The following EYA1 variants were observed in gnomAD, a reference collection of about 807,000 sequenced individuals.
The protein encoded by EYA1 is EYA transcriptional coactivator and phosphatase 1, also known as protein phosphatase EYA1.
Under a neutral mutation model 82.0 loss-of-function variants are expected in EYA1, and 16 were observed. That is an observed-to-expected ratio of 0.20 (90% confidence interval 0.13 to 0.30). EYA1 has a LOEUF of 0.30. Ranked by LOEUF, EYA1 falls within the 10% of genes least tolerant of loss-of-function variation. The pLI, the probability that EYA1 is intolerant of heterozygous loss-of-function variation, is 1.00. For missense variants in EYA1, 633 were observed against 730.7 expected (o/e 0.87, Z 1.54); for synonymous variants, 261 against 264.4 (o/e 0.99, Z 0.12).
intron 2 of EYA1, among the ~76,000 whole-genome samples, chr8:71,388,062 T>G (rs1410615749): frequency 6.6e-6 from 1 of 152,124 alleles, no homozygotes; most frequent in African/African-American, 2.4e-5. Flanking sequence ...TTAATTATCA[T>G]TATATTCTAC....
intron 3 of EYA1, among the ~76,000 whole-genome samples, chr8:71,335,233 C>T (rs1292740552): frequency 6.6e-6 from 1 of 152,066 alleles, no homozygotes; most frequent in Non-Finnish European, 1.5e-5. Flanking sequence ...TTTGGGGAGG[C>T]CTCTCTTATA....
At chr8:71,422,834 C>A (rs1028793476) in intron 2 of EYA1, among the ~76,000 whole-genome samples, 1 of 152,088 alleles carries the variant, frequency 6.6e-6, no homozygotes, top group Non-Finnish European at 1.5e-5. Flanking sequence ...TAAATTACCC[C>A]CCACGGGATC....
chr8:71,365,749 C>T (rs1204431246), upstream of EYA1, among the ~76,000 whole-genome samples: 1 of 152,158 alleles, frequency 6.6e-6, no homozygotes, highest in Non-Finnish European at 1.5e-5. Context: ...TGGTCACTTC[C>T]ATGACCTGCT....
intron 12 of EYA1, among the ~76,000 whole-genome samples, chr8:71,221,619 C>T (rs1007413429): frequency 6.6e-5 from 10 of 152,174 alleles, no homozygotes; most frequent in South Asian, 4.2e-4. Context: ...AGCCATGAGC[C>T]GGGGCAGGAG....
intron 1 of EYA1, among the ~76,000 whole-genome samples, chr8:71,545,535 T>C (rs1815484284): frequency 6.6e-6 from 1 of 151,626 alleles, no homozygotes; most frequent in African/African-American, 2.4e-5. Context: ...TATTAGATTT[T>C]TTTCATCGTT....
chr8:71,321,317 G>A (rs1490108017), intron 6 of EYA1, among the ~76,000 whole-genome samples: 1 of 152,146 alleles, frequency 6.6e-6, no homozygotes, highest in African/African-American at 2.4e-5. Flanking sequence ...TAAAGCAAGA[G>A]TTTGTTGAAT....
chr8:71,529,145 T>G (rs1199688604), intron 2 of EYA1, among the ~76,000 whole-genome samples: 4 of 152,234 alleles, frequency 2.6e-5, no homozygotes, highest in Non-Finnish European at 5.9e-5. Context: ...TAGAATAAAC[T>G]GTGACTCAGA....
chr8:71,520,333 C>G (rs561519955), intron 2 of EYA1, among the ~76,000 whole-genome samples: 1 of 152,170 alleles, frequency 6.6e-6, no homozygotes, highest in Admixed American at 6.5e-5. Flanking sequence ...GAGGCTTATC[C>G]TTAAGGAAGA....
intron 12 of EYA1, among the ~76,000 whole-genome samples, chr8:71,238,331 C>T (rs1429506846): frequency 6.6e-6 from 1 of 152,116 alleles, no homozygotes; most frequent in East Asian, 1.9e-4. Context: ...AATTATAAAA[C>T]ATTTTAATAA....
chr8:71,492,087 G>A (rs565296662), intron 2 of EYA1, among the ~76,000 whole-genome samples: 11 of 152,104 alleles, frequency 7.2e-5, no homozygotes, highest in Admixed American at 1.3e-4. Context: ...GTTAGGTGTC[G>A]ATGCCAGTCC....
chr8:71,299,908 CAAAG>C (rs765519617), intron 7 of EYA1, among the ~76,000 whole-genome samples, 188 bp from the exon 8 acceptor site: 6 of 152,058 alleles, frequency 3.9e-5, no homozygotes, highest in Non-Finnish European at 8.8e-5. Flanking sequence ...AATTAAAAAA[CAAAG>C]AGGTTTAAAT....
chr8:71,416,681 G>A (rs1201477849), intron 2 of EYA1, among the ~76,000 whole-genome samples: 1 of 152,074 alleles, frequency 6.6e-6, no homozygotes, highest in Admixed American at 6.6e-5. Context: ...GTAGCCCTTG[G>A]ACTGGCAGCC....
chr8:71,284,423 G>A (rs1031177), intron 9 of EYA1, among the ~76,000 whole-genome samples: 88,766 of 152,094 alleles, frequency 0.58, 26,644 homozygotes, highest in East Asian at 0.83. Flanking sequence ...TAACCTACAA[G>A]TTAACACATT....
chr8:71,294,711 T>A (rs1819411289), intron 9 of EYA1, among the ~76,000 whole-genome samples: 1 of 152,168 alleles, frequency 6.6e-6, no homozygotes. Flanking sequence ...ATCCCAGAAA[T>A]TTACTTTGTG....
Position 71,334,177 on chromosome 8 carries a change from A to G in EYA1, c.125-3T>C. On this transcript the variant is annotated splice_polypyrimidine_tract_variant and splice_region_variant and intron_variant, in intron 3 of 17. Transcript: ENST00000340726. Reference sequence around the variant, plus strand: ...GCTGCTCATTGGCTCTGTTTTAACTACAAAAATAAACAACATACATCGATA... The same window carrying G: ...GCTGCTCATTGGCTCTGTTTTAACTGCAAAAATAAACAACATACATCGATA... The G allele has an allele frequency of 6.2e-7, 1 of 1,600,996 alleles. No individual in the cohort carries two copies. Among genetic ancestry groups the G allele is most frequent in the Non-Finnish European group, 8.6e-7 (1 of 1,168,122 alleles).
intron 12 of EYA1, among the ~76,000 whole-genome samples, chr8:71,224,699 G>C (rs765903859): frequency 1.3e-5 from 2 of 152,188 alleles, no homozygotes; most frequent in African/African-American, 2.4e-5. Flanking sequence ...GAAAAAGAAT[G>C]CATATCTGTC....
chr8:71,258,901 C>T (rs1346210376), intron 11 of EYA1, among the ~76,000 whole-genome samples: 2 of 152,092 alleles, frequency 1.3e-5, no homozygotes, highest in Admixed American at 6.5e-5. Flanking sequence ...AGGCAGCTTA[C>T]AAACATTGAG....
intron 6 of EYA1, among the ~76,000 whole-genome samples, chr8:71,320,661 A>G (rs1013893515): frequency 3.3e-5 from 5 of 152,198 alleles, no homozygotes; most frequent in African/African-American, 4.8e-5. Context: ...GAAGTCGTAC[A>G]TAATTTAGAT....
At chr8:71,410,079 C>G (rs1830501435) in intron 2 of EYA1, among the ~76,000 whole-genome samples, 1 of 152,072 alleles carries the variant, frequency 6.6e-6, no homozygotes. Flanking sequence ...TCAATATACG[C>G]AAATCAATAA....
Sources: gnomAD v4.1 joint callset for allele counts (sites outside exome capture counted in the v4.1 genomes callset) on GRCh38, gnomAD v4.1.1 for gene constraint, MANE v1.5 for transcripts, NCBI Gene and HGNC (gene_info 2026-07-23, HGNC 2026-07-21) for gene names.